MSRA: variants seen among roughly 807,000 people sequenced by gnomAD.
MSRA encodes the protein mitochondrial peptide methionine sulfoxide reductase.
A neutral mutation model predicts 31.3 loss-of-function variants in MSRA; 54 were observed. The ratio of observed to expected loss-of-function variants is 1.73; its 90% CI spans 1.39 to 2.17. The LOEUF (loss-of-function observed/expected upper bound fraction) is 2.17, where lower values mean the gene tolerates loss of function less well. Among genes scored for constraint, MSRA ranks in the 30% most tolerant of loss-of-function variants. The pLI is 0.00. For synonymous variants in MSRA, 169 were observed against 116.5 expected (o/e 1.45, Z -2.90); for missense variants, 507 against 300.9 (o/e 1.69, Z -5.07).
intron 3 of MSRA, among the ~76,000 whole-genome samples, chr8:10,287,771 A>C (rs1174652468): frequency 2.0e-5 from 3 of 152,168 alleles, no homozygotes; most frequent in Non-Finnish European, 4.4e-5. Context: ...GCCAAGAATA[A>C]GGGAGACCCA....
intron 1 of MSRA, among the ~76,000 whole-genome samples, chr8:10,098,885 G>A (rs1019579410): frequency 1.3e-5 from 2 of 152,200 alleles, no homozygotes; most frequent in Admixed American, 6.5e-5. Flanking sequence ...TTGAACCTTC[G>A]AAGACGTGGC....
intron 3 of MSRA, among the ~76,000 whole-genome samples, chr8:10,292,413 T>C (rs571119216): frequency 1.3e-5 from 2 of 152,328 alleles, no homozygotes; most frequent in African/African-American, 4.8e-5. Context: ...ACTCACAGGT[T>C]GCACCGCATG....
chr8:10,154,623 C>T (rs1228980143), intron 1 of MSRA, among the ~76,000 whole-genome samples: 2 of 152,106 alleles, frequency 1.3e-5, no homozygotes, highest in South Asian at 2.1e-4. Context: ...GTGATCCACC[C>T]ACCTCGGCCT....
intron 3 of MSRA, among the ~76,000 whole-genome samples, chr8:10,274,296 G>A (rs1799204948): frequency 6.6e-6 from 1 of 152,124 alleles, no homozygotes. Flanking sequence ...TCAAATATTT[G>A]AAAAACAGCT....
intron 1 of MSRA, among the ~76,000 whole-genome samples, chr8:10,069,474 G>T (rs544950505): frequency 1.3e-5 from 2 of 152,212 alleles, no homozygotes; most frequent in Admixed American, 1.3e-4. Context: ...ATAAAGAAAC[G>T]TATTTTCTCA....
rs566017481 is a variant in MSRA at position 10,172,825 on chromosome 8, C to T, written c.143-35008C>T. On this transcript the variant is annotated intron_variant, in intron 1 of 5. Transcript: ENST00000317173. ...ATCTTGATTCATTTGTTGGGCCATG[C>T]ATACCAAGAACCGATTATGTGCCAC... Among the ~76,000 whole-genome samples, 4 of 152,294 alleles carry T rather than the reference C, an allele frequency of 2.6e-5. No individual in the cohort carries two copies. In the South Asian group the frequency reaches 8.3e-4, roughly 32 times the overall value.
intron 1 of MSRA, among the ~76,000 whole-genome samples, chr8:10,065,369 A>T (rs955504007): frequency 6.6e-6 from 1 of 152,210 alleles, no homozygotes; most frequent in African/African-American, 2.4e-5. Flanking sequence ...CCCACTCTAG[A>T]TAACTTAAAA....
At chr8:10,152,173 T>G (rs1259897709) in intron 1 of MSRA, among the ~76,000 whole-genome samples, 1 of 152,232 alleles carries the variant, frequency 6.6e-6, no homozygotes. Flanking sequence ...CAAATTGGAC[T>G]TCAGCTTGAA....
intron 1 of MSRA, among the ~76,000 whole-genome samples, chr8:10,102,694 A>G (rs1040866291): frequency 2.6e-5 from 4 of 152,160 alleles, no homozygotes; most frequent in Non-Finnish European, 5.9e-5. Context: ...GTACTATGCT[A>G]TGAGACTGGA....
At chr8:10,210,674 C>T (rs1178378402) in intron 2 of MSRA, among the ~76,000 whole-genome samples, 1 of 152,040 alleles carries the variant, frequency 6.6e-6, no homozygotes, top group Non-Finnish European at 1.5e-5. Flanking sequence ...TTGTTTAGAC[C>T]CGTTCTTCAG....
chr8:10,343,019 T>A (rs1803529051), intron 5 of MSRA, among the ~76,000 whole-genome samples: 1 of 108,462 alleles, frequency 9.2e-6, no homozygotes, highest in South Asian at 3.2e-4. Context: ...TGCATAAGCA[T>A]TACACACACA....
chr8:10,428,402 T>A lies in MSRA; in HGVS notation c.*90T>A. On this transcript the variant is annotated 3_prime_UTR_variant, in exon 6 of 6. Coordinates refer to ENST00000317173, the MANE Select transcript of MSRA (RefSeq NM_012331.5). ...TTGTGTGATTCACAATCGTGGCATT[T>A]AAAGTGCACAAAGTACAAAGGAATT... 2 of 1,369,702 alleles carry A rather than the reference T, an allele frequency of 1.5e-6. No individual in the cohort carries two copies. The highest frequency in any genetic ancestry group is 2.0e-6 in the Non-Finnish European group (2 of 985,902). The allele number at this position is 1,369,702 out of a possible 1,614,324, so 84.8% of individuals were successfully genotyped here.
chr8:10,171,171 A>G (rs1048837942), intron 1 of MSRA, among the ~76,000 whole-genome samples: 1 of 152,194 alleles, frequency 6.6e-6, no homozygotes, highest in Non-Finnish European at 1.5e-5. Flanking sequence ...TGGTAGAGAA[A>G]GAGAAGCTGG....
At chr8:10,063,052 C>G (rs897073293) in intron 1 of MSRA, among the ~76,000 whole-genome samples, 1 of 152,190 alleles carries the variant, frequency 6.6e-6, no homozygotes, top group South Asian at 2.1e-4. Context: ...CCTTCTGTTT[C>G]CAAATACGAG....
At chr8:10,077,973 T>G (rs941316540) in intron 1 of MSRA, among the ~76,000 whole-genome samples, 22 of 152,332 alleles carry the variant, frequency 1.4e-4, no homozygotes, top group East Asian at 9.7e-4. Context: ...TCACTAATAT[T>G]TTCAGTTTTG....
At chr8:10,342,310 T>C (rs955666605) in intron 5 of MSRA, among the ~76,000 whole-genome samples, 1 of 151,930 alleles carries the variant, frequency 6.6e-6, no homozygotes, top group Non-Finnish European at 1.5e-5. Context: ...GATTAAAAAT[T>C]AAAACTGAGA....
intron 5 of MSRA, among the ~76,000 whole-genome samples, chr8:10,326,022 C>G (rs113343257): frequency 2.5e-4 from 38 of 152,328 alleles, no homozygotes; most frequent in Non-Finnish European, 4.6e-4. Context: ...GTTCATTTTA[C>G]ATACACTGCT....
intron 1 of MSRA, among the ~76,000 whole-genome samples, chr8:10,160,388 G>T (rs912166684): frequency 6.6e-6 from 1 of 151,878 alleles, no homozygotes; most frequent in Non-Finnish European, 1.5e-5. Flanking sequence ...CCAGCTACTT[G>T]GGAGGCTAAG....
At chr8:10,369,013 T>C (rs1177592036) in intron 5 of MSRA, among the ~76,000 whole-genome samples, 1 of 152,182 alleles carries the variant, frequency 6.6e-6, no homozygotes, top group Non-Finnish European at 1.5e-5. Context: ...GTTGAAACAA[T>C]AGGCCTGAAG....
Sources: allele counts gnomAD v4.1 joint callset (sites outside exome capture counted in the v4.1 genomes callset), GRCh38; gene constraint gnomAD v4.1.1; transcripts MANE v1.5; gene names NCBI Gene and HGNC (gene_info 2026-07-23, HGNC 2026-07-21).